H2AZ2: variants seen among roughly 807,000 people sequenced by gnomAD.
H2AZ2 encodes the protein histone H2A.V.
Under a neutral mutation model 15.5 loss-of-function variants are expected in H2AZ2, and 5 were observed. The observed-to-expected ratio is 0.32, with a 90% CI of 0.17 to 0.68. H2AZ2 has a LOEUF of 0.68. Among genes scored for constraint, H2AZ2 ranks in the 30% least tolerant of loss-of-function variants. H2AZ2 has a pLI of 0.72. For synonymous variants in H2AZ2, 44 were observed against 57.4 expected, an observed-to-expected ratio of 0.77 and a Z score of 1.05; for missense variants, 42 against 162.5, an observed-to-expected ratio of 0.26 and a Z score of 4.03.
intron 2 of H2AZ2, among the ~76,000 whole-genome samples, 191 bp from the exon 3 acceptor site, chr7:44,841,203 C>T (rs1185750737): frequency 2.6e-5 from 4 of 152,182 alleles, no homozygotes; most frequent in African/African-American, 9.7e-5. Context: ...AAATCTTTAA[C>T]CTCTGCATAA....
chr7:44,827,400 C>G (rs989590919), downstream of H2AZ2: 4 of 152,192 alleles, frequency 2.6e-5, no homozygotes, highest in Admixed American at 2.0e-4. Flanking sequence ...GAATAAAGGA[C>G]TCCTCGTGAA....
downstream of H2AZ2, chr7:44,828,023 C>T (rs140821366): frequency 5.3e-5 from 8 of 152,224 alleles, no homozygotes; most frequent in African/African-American, 1.4e-4. Context: ...TTGTCAGGCA[C>T]TCCTATTTTA....
intron 3 of H2AZ2, among the ~76,000 whole-genome samples, chr7:44,837,649 T>G (rs570298226): frequency 5.9e-5 from 9 of 151,568 alleles, no homozygotes; most frequent in African/African-American, 2.2e-4. Context: ...CACTATCACA[T>G]CTGGTCAATT....
intron 1 of H2AZ2, among the ~76,000 whole-genome samples, chr7:44,847,540 G>A (rs1793441475): frequency 6.6e-6 from 1 of 152,132 alleles, no homozygotes; most frequent in Non-Finnish European, 1.5e-5. Context: ...CAAACTGACT[G>A]CCAGGGAGAT....
downstream of H2AZ2, chr7:44,829,261 G>A (rs956551826): frequency 1.1e-4 from 17 of 152,156 alleles, no homozygotes; most frequent in African/African-American, 3.1e-4. Context: ...CAGCTGGACT[G>A]GGTCTCACTC....
In H2AZ2 at chr7:44,839,156, AT is replaced by A. The variant is rs1391914931; in HGVS notation, c.195+1742del. 3.9e-5 allele frequency among the ~76,000 whole-genome samples: 6 copies of A among 152,322 alleles called. No individual in the cohort carries two copies. In the South Asian group the frequency reaches 1.0e-3, roughly 26 times the overall value. ...TTTTACTTCTATTATCATATTTGTGATTTTTATATATCATCACACTGGCCAA... is the reference window on the plus strand; with the variant it reads ...TTTTACTTCTATTATCATATTTGTGATTTTATATATCATCACACTGGCCAA... On this transcript the variant is annotated intron_variant, in intron 3 of 4. Transcript: ENST00000308153.
rs1367453884 is a variant in H2AZ2 at position 44,833,053 on chromosome 7, G to GA, written c.*1447dup. On this transcript the variant is annotated 3_prime_UTR_variant, in exon 5 of 5. Coordinates refer to ENST00000308153, the MANE Select transcript of H2AZ2 (RefSeq NM_012412.5). ...TGACTAAGAGACTACTAAAAGTTGGGATTTTTTTTTTTGAGACAGAGTCAC... is the reference window on the plus strand; with the variant it reads ...TGACTAAGAGACTACTAAAAGTTGGGAATTTTTTTTTTTGAGACAGAGTCAC... Among the ~76,000 whole-genome samples the GA allele has an allele frequency of 2.0e-5, 3 of 151,766 alleles. No homozygotes were observed. The highest frequency in any genetic ancestry group is 7.3e-5 in the African/African-American group (3 of 41,322).
At chr7:44,830,682 G>A (rs922165802), downstream of H2AZ2, among the ~76,000 whole-genome samples, 3 of 152,194 alleles carry the variant, frequency 2.0e-5, no homozygotes, top group Non-Finnish European at 4.4e-5. Context: ...TAGTTAGACT[G>A]GGTGTTGTTT....
chr7:44,828,042 A>G (rs958246353), downstream of H2AZ2: 1 of 151,934 alleles, frequency 6.6e-6, no homozygotes, highest in African/African-American at 2.4e-5. Context: ...TAACATGGCT[A>G]TTTTTTTCTG....
chr7:44,847,832 C>T, intron 1 of H2AZ2, 137 bp downstream of exon 1: 4 of 1,215,684 alleles, frequency 3.3e-6, no homozygotes, highest in South Asian at 3.0e-5. Flanking sequence ...CGCCCCCCGG[C>T]GGGCGGCGAG....
chr7:44,835,632 A>C lies in H2AZ2; in HGVS notation c.222T>G (p.Ser74=). The change falls in exon 4 of 5, where the codon TCT becomes TCG. Residue 74 remains serine (S), a synonymous_variant. Coordinates refer to ENST00000308153, the MANE Select transcript of H2AZ2 (RefSeq NM_012412.5). ...TGATACGCTTTACTTTGAGATCCTT[A>C]GAAGCATTACCTGCCAGCTCCAGCA... ...AEVLELAGNA[S]KDLKVKRITP... is the part of the protein sequence containing the mutation. The C allele has an allele frequency of 6.2e-7, 1 of 1,610,152 alleles. No homozygotes were observed. The highest frequency in any genetic ancestry group is 8.5e-7 in the Non-Finnish European group (1 of 1,177,404).
chr7:44,830,112 T>C, downstream of H2AZ2: 1 of 1,612,260 alleles, frequency 6.2e-7, no homozygotes, highest in East Asian at 2.2e-5. Context: ...AGCAAAACCT[T>C]GCCGTCACCT....
Position 44,847,978 on chromosome 7 carries a change from G to A in H2AZ2, c.-7C>T, listed in dbSNP as rs1793457970. 3.4e-6 allele frequency: 5 copies of A among 1,453,636 alleles called. No homozygotes were observed. The highest frequency in any genetic ancestry group is 3.6e-6 in the Non-Finnish European group (4 of 1,105,906). The allele number at this position is 1,453,636 out of a possible 1,614,324, so 90.0% of individuals were successfully genotyped here. Reference sequence around the variant, plus strand: ...ACCCGGCCGCCCTTACCATGTTCTCGGCGCCGACTCCGCCTCCGCTCGGCC... The same window carrying A: ...ACCCGGCCGCCCTTACCATGTTCTCAGCGCCGACTCCGCCTCCGCTCGGCC... On this transcript the variant is annotated 5_prime_UTR_variant, in exon 1 of 5. Coordinates refer to ENST00000308153, the MANE Select transcript of H2AZ2 (RefSeq NM_012412.5).
intron 3 of H2AZ2, among the ~76,000 whole-genome samples, chr7:44,839,157 T>C (rs1793205703): frequency 6.6e-6 from 1 of 152,208 alleles, no homozygotes. Flanking sequence ...ATATTTGTGA[T>C]TTTTATATAT....
downstream of H2AZ2, chr7:44,827,624 A>T (rs977065467): frequency 5.9e-5 from 9 of 152,204 alleles, no homozygotes. Context: ...AAAATTTTAA[A>T]AGGTTTTGTG....
intron 2 of H2AZ2, 40 bp from the exon 3 acceptor site, chr7:44,841,052 T>C: frequency 7.1e-7 from 1 of 1,403,198 alleles, no homozygotes; most frequent in Non-Finnish European, 1.0e-6. Flanking sequence ...CTGCAGAGTC[T>C]TAACATTGCA....
intron 2 of H2AZ2, among the ~76,000 whole-genome samples, chr7:44,842,286 A>T (rs1793293168): frequency 6.6e-6 from 1 of 152,096 alleles, no homozygotes; most frequent in Non-Finnish European, 1.5e-5. Flanking sequence ...CTCCTTTCTC[A>T]TTCTCTTAGG....
At chr7:44,835,026 G>A (rs75865703) in intron 4 of H2AZ2, 4,144 of 160,884 alleles carry the variant, frequency 0.026, 192 homozygotes, top group African/African-American at 0.079. Context: ...CGGGTGATCC[G>A]GGGCCTCTCA....
intron 1 of H2AZ2, among the ~76,000 whole-genome samples, chr7:44,846,877 A>G (rs970770497): frequency 9.2e-5 from 14 of 152,194 alleles, no homozygotes; most frequent in African/African-American, 2.9e-4. Context: ...TATACGTTAG[A>G]CGTTGGAAGC....
Sources: allele counts gnomAD v4.1 joint callset (sites outside exome capture counted in the v4.1 genomes callset), GRCh38; gene constraint gnomAD v4.1.1; transcripts MANE v1.5; gene names NCBI Gene and HGNC (gene_info 2026-07-23, HGNC 2026-07-21).